The following ZNF562 variants were observed in gnomAD, a reference collection of about 807,000 sequenced individuals.
ZNF562 encodes zinc finger protein 562.
A neutral mutation model predicts 17.5 loss-of-function variants in ZNF562; 13 were observed. That is an observed-to-expected ratio of 0.74 (90% CI 0.48 to 1.18). ZNF562 has a LOEUF of 1.18. Among genes scored for constraint, ZNF562 ranks in the 50% most tolerant of loss-of-function variants. ZNF562 has a pLI of 0.00. For synonymous variants in ZNF562, 163 were observed against 165.4 expected, an observed-to-expected ratio of 0.99 and a Z score of 0.11; for missense variants, 481 against 498.5, an observed-to-expected ratio of 0.96 and a Z score of 0.33.
chr19:9,671,956 T>C (rs568665667), intron 1 of ZNF562, among the ~76,000 whole-genome samples: 2 of 152,348 alleles, frequency 1.3e-5, no homozygotes, highest in African/African-American at 4.8e-5. Flanking sequence ...GTACATACTG[T>C]CACCCATTAT....
At chr19:9,667,169 A>G (rs2043984613) in intron 1 of ZNF562, among the ~76,000 whole-genome samples, 1 of 152,214 alleles carries the variant, frequency 6.6e-6, no homozygotes, top group South Asian at 2.1e-4. Context: ...ATCATTCATC[A>G]CAATCAAGTG....
intron 1 of ZNF562, among the ~76,000 whole-genome samples, chr19:9,662,573 A>AG (rs1568273246): frequency 6.6e-6 from 1 of 151,854 alleles, no homozygotes; most frequent in Non-Finnish European, 1.5e-5. Flanking sequence ...AAAAAAAAAA[A>AG]AGAGAGAAAG....
rs942125532 is a variant in ZNF562, at chr19:9,643,262, G to A, written c.*9687C>T. On this transcript the variant is annotated 3_prime_UTR_variant, in exon 6 of 6. Transcript: ENST00000453372. ...CCAGGTACTTGGGAGGCTGAGGCAG[G>A]AGAATCACTTGAACCCAGGAATTGG... 2 of 151,934 alleles carry A rather than the reference G, an allele frequency of 1.3e-5. No individual in the cohort carries two copies. Among genetic ancestry groups the A allele is most frequent in the African/African-American group, 2.4e-5 (1 of 41,264 alleles). 9.4% of individuals were successfully genotyped at this position (151,934 alleles called of 1,614,324 possible).
intron 3 of ZNF562, 54 bp from the exon 4 acceptor site, chr19:9,658,189 C>G: frequency 1.3e-6 from 2 of 1,573,126 alleles, no homozygotes; most frequent in Non-Finnish European, 1.7e-6. Flanking sequence ...CACCAATATT[C>G]ACTGGAGAAT....
At chr19:9,663,831 A>T (rs988883887) in intron 1 of ZNF562, among the ~76,000 whole-genome samples, 3 of 151,726 alleles carry the variant, frequency 2.0e-5, no homozygotes, top group Admixed American at 2.0e-4. Flanking sequence ...ACTCCAGAGT[A>T]GCTGGGACTC....
rs574963773 is a variant in ZNF562 at position 9,659,526 on chromosome 19, A to C, written c.26-59T>G. 238 of 1,526,516 alleles carry C rather than the reference A, an allele frequency of 1.6e-4. No homozygotes were observed. The African/African-American group carries it at 3.0e-3, about 19-fold the overall frequency. 94.6% of individuals were successfully genotyped at this position (1,526,516 alleles called of 1,614,324 possible). On this transcript the variant is annotated intron_variant, in intron 2 of 5. Coordinates refer to ENST00000453372, the MANE Select transcript of ZNF562 (RefSeq NM_001130031.2). ...AGCTGCCCACATTCTTATGCCCAGA[A>C]GTCATTCCATCCTAGCTTGAAATTC...
rs559788922 is a variant in ZNF562 at position 9,647,118 on chromosome 19, T to G, written c.*5831A>C. The G allele has an allele frequency of 1.5e-4, 22 of 145,672 alleles. No homozygotes were observed. Among genetic ancestry groups the G allele is most frequent in the African/African-American group, 5.7e-4 (22 of 38,762 alleles). The allele number at this position is 145,672 out of a possible 1,614,324, so 9.0% of individuals were successfully genotyped here. On this transcript the variant is annotated 3_prime_UTR_variant, in exon 6 of 6. Coordinates refer to ENST00000453372, the MANE Select transcript of ZNF562 (RefSeq NM_001130031.2). ...TTTTTTTTGAGACGGATTCTCGCTC[T>G]GTCGTCAGGCTGGAGTGCAGTGGTG...
At position 9,646,433 on chromosome 19, in the gene ZNF562, A is replaced by G. The variant is rs1258096428; in HGVS notation, c.*6516T>C. Reference sequence around the variant, plus strand: ...AAAAAGACACATTTTTTTAAAAAGCATACAGAAAGACTAAGAAGTAGAGGA... The same window carrying G: ...AAAAAGACACATTTTTTTAAAAAGCGTACAGAAAGACTAAGAAGTAGAGGA... On this transcript the variant is annotated 3_prime_UTR_variant, in exon 6 of 6. Coordinates refer to ENST00000453372, the MANE Select transcript of ZNF562 (RefSeq NM_001130031.2). The G allele has an allele frequency of 6.6e-6, 1 of 152,182 alleles. No individual in the cohort carries two copies. The highest frequency in any genetic ancestry group is 1.5e-5 in the Non-Finnish European group (1 of 68,028). 9.4% of individuals were successfully genotyped at this position (152,182 alleles called of 1,614,324 possible).
chr19:9,645,662 A>C lies in ZNF562; in HGVS notation c.*7287T>G, dbSNP rs988205238. Reference sequence around the variant, plus strand: ...CATCTGTAATCTACCACAGGGTGTCACTGGGCCTCTGTCAAGGAGCCTATT... The same window carrying C: ...CATCTGTAATCTACCACAGGGTGTCCCTGGGCCTCTGTCAAGGAGCCTATT... On this transcript the variant is annotated 3_prime_UTR_variant, in exon 6 of 6. Coordinates refer to ENST00000453372, the MANE Select transcript of ZNF562 (RefSeq NM_001130031.2). The C allele has an allele frequency of 1.3e-5, 2 of 152,194 alleles. No homozygotes were observed. Among genetic ancestry groups the C allele is most frequent in the Non-Finnish European group, 2.9e-5 (2 of 68,030 alleles). The allele number at this position is 152,194 out of a possible 1,614,324, so 9.4% of individuals were successfully genotyped here. A position where few individuals can be genotyped will look rare whatever the true frequency, so the allele number is the denominator to read the frequency against.
chr19:9,670,367 T>C (rs753420890), intron 1 of ZNF562, among the ~76,000 whole-genome samples: 2 of 152,196 alleles, frequency 1.3e-5, no homozygotes, highest in Non-Finnish European at 2.9e-5. Flanking sequence ...TTTGAAAAGA[T>C]ATATATACAT....
At chr19:9,653,985 A>T in intron 5 of ZNF562, 104 bp from the exon 6 acceptor site, 1 of 1,268,838 alleles carries the variant, frequency 7.9e-7, no homozygotes, top group South Asian at 2.5e-5. Context: ...TTACTTTTTA[A>T]TGTTTAATTT....
At position 9,650,464 on chromosome 19, in the gene ZNF562, C is replaced by T. The variant is rs2074851926; in HGVS notation, c.*2485G>A. On this transcript the variant is annotated 3_prime_UTR_variant, in exon 6 of 6. Transcript: ENST00000453372. ...CCAAATTTCATATGAAGTTCCAAACCTCAATGTGACTGTATGTGAAAAGAG... is the reference window on the plus strand; with the variant it reads ...CCAAATTTCATATGAAGTTCCAAACTTCAATGTGACTGTATGTGAAAAGAG... The T allele has an allele frequency of 6.6e-6, 1 of 150,712 alleles. No homozygotes were observed. Among genetic ancestry groups the T allele is most frequent in the Non-Finnish European group, 1.5e-5 (1 of 67,792 alleles). The allele number at this position is 150,712 out of a possible 1,614,324, so 9.3% of individuals were successfully genotyped here. A position where few individuals can be genotyped will look rare whatever the true frequency, so the allele number is the denominator to read the frequency against.
intron 1 of ZNF562, among the ~76,000 whole-genome samples, chr19:9,671,976 G>C (rs894018096): frequency 9.2e-5 from 14 of 152,186 alleles, no homozygotes; most frequent in African/African-American, 3.4e-4. Context: ...TCAAACAACT[G>C]TTGTCAGCCT....
Position 9,653,494 on chromosome 19 carries a change from G to C in ZNF562, c.736C>G (p.His246Asp). The C allele has an allele frequency of 1.2e-6, 2 of 1,614,186 alleles. No homozygotes were observed. The highest frequency in any genetic ancestry group is 1.7e-6 in the Non-Finnish European group (2 of 1,180,036). ...ECERAITTSSHLKQCVAVHTG... is the reference protein window; with the variant it reads ...ECERAITTSSDLKQCVAVHTG... Reference sequence around the variant, plus strand: ...TGAACTGCTACACACTGCTTTAAGTGTGAGGAAGTTGTGATGGCTCTCTCA... The same window carrying C: ...TGAACTGCTACACACTGCTTTAAGTCTGAGGAAGTTGTGATGGCTCTCTCA... Residue 246 changes from histidine to aspartate, a missense_variant, in exon 6 of 6, where the codon CAC becomes GAC. Physicochemically the swap from His to Asp is moderately conservative, Grantham distance 81. This residue lies in a region of ZNF562 where 403 missense variants were observed against 386.4 expected (regional missense o/e 1.04). Coordinates refer to ENST00000453372, the MANE Select transcript of ZNF562 (RefSeq NM_001130031.2).
chr19:9,666,679 A>T (rs1404695940), intron 1 of ZNF562, among the ~76,000 whole-genome samples: 1 of 152,076 alleles, frequency 6.6e-6, no homozygotes. Flanking sequence ...CAAATAAAAT[A>T]AAAAATGAAA....
At chr19:9,654,367 T>C (rs1248366167) in intron 5 of ZNF562, among the ~76,000 whole-genome samples, 1 of 152,180 alleles carries the variant, frequency 6.6e-6, no homozygotes, top group African/African-American at 2.4e-5. Context: ...TGGCTCACTG[T>C]AACCTCAAAC....
At chr19:9,659,588 C>G (rs1419775662) in intron 2 of ZNF562, 121 bp from the exon 3 acceptor site, 1 of 1,231,486 alleles carries the variant, frequency 8.1e-7, no homozygotes, top group Admixed American at 2.6e-5. Context: ...ACTACACACA[C>G]ACAACACTTC....
chr19:9,666,530 T>G (rs1283973864), intron 1 of ZNF562, among the ~76,000 whole-genome samples: 1 of 151,154 alleles, frequency 6.6e-6, no homozygotes, highest in Non-Finnish European at 1.5e-5. Context: ...TCAAAATTAG[T>G]AGAACAAAAG....
At chr19:9,669,728 GCGCGCGCACACACACACACACA>G (rs1354975605) in intron 1 of ZNF562, among the ~76,000 whole-genome samples, 2 of 84,832 alleles carry the variant, frequency 2.4e-5, no homozygotes, top group African/African-American at 4.6e-5. Context: ...GCGCGCGCGC[GCGCGCGCACACACACACACACA>G]CACACACACA....
Sources: allele counts gnomAD v4.1 joint callset (sites outside exome capture counted in the v4.1 genomes callset), GRCh38; gene constraint gnomAD v4.1.1; regional missense constraint gnomAD v4.1.1; transcripts MANE v1.5; gene names NCBI Gene and HGNC (gene_info 2026-07-23, HGNC 2026-07-21).